The following TASP1 variants were observed in gnomAD, a reference collection of about 807,000 sequenced individuals.
The protein encoded by TASP1 is threonine aspartase 1.
TASP1 carries 16 observed loss-of-function variants against 56.6 expected under a neutral mutation model. The observed-to-expected ratio is 0.28, with a 90% confidence interval of 0.19 to 0.43. The LOEUF (loss-of-function observed/expected upper bound fraction) is 0.43. Among genes scored for constraint, TASP1 ranks in the 20% least tolerant of loss-of-function variants. The pLI is 1.00. For missense variants in TASP1, 393 were observed against 511.6 expected, an observed-to-expected ratio of 0.77 and a Z score of 2.24; for synonymous variants, 179 against 184.2, an observed-to-expected ratio of 0.97 and a Z score of 0.23.
chr20:13,470,239 T>G (rs572952162), intron 11 of TASP1, among the ~76,000 whole-genome samples: 1 of 152,206 alleles, frequency 6.6e-6, no homozygotes, highest in South Asian at 2.1e-4. Context: ...ATGAATTATT[T>G]CTTAAGCCTC....
chr20:13,629,894 C>G, intron 2 of TASP1, 40 bp downstream of exon 2: 1 of 1,608,216 alleles, frequency 6.2e-7, no homozygotes, highest in Non-Finnish European at 8.5e-7. Flanking sequence ...AAAGAAAAAT[C>G]AACATTATTG....
chr20:13,336,583 C>T, the TASP1 span, among the ~76,000 whole-genome samples: 1 of 152,196 alleles, frequency 6.6e-6, no homozygotes, highest in African/African-American at 2.4e-5. Context: ...ATAACATTAA[C>T]TAGGAAATTA....
chr20:13,558,992 T>C lies in TASP1; in HGVS notation c.675+16A>G, dbSNP rs2147068461. 1 of 1,508,784 alleles carries C rather than the reference T, an allele frequency of 6.6e-7. No homozygotes were observed. Among genetic ancestry groups the C allele is most frequent in the South Asian group, 1.3e-5 (1 of 78,872 alleles). 93.5% of individuals were successfully genotyped at this position (1,508,784 alleles called of 1,614,324 possible). A position where few individuals can be genotyped will look rare whatever the true frequency, so the allele number is the denominator to read the frequency against. On this transcript the variant is annotated intron_variant, in intron 8 of 13. Transcript: ENST00000337743. ...CATCTGATACATTAATTTGAATATTTCAAACACCACCTGACCTTCTCACTT... is the reference window on the plus strand; with the variant it reads ...CATCTGATACATTAATTTGAATATTCCAAACACCACCTGACCTTCTCACTT...
At chr20:13,279,546 C>A in the TASP1 span, 1 of 1,319,764 alleles carries the variant, frequency 7.6e-7, no homozygotes, top group East Asian at 2.5e-5. Context: ...CATCATTTCC[C>A]TCTGCCCTCT....
At chr20:13,281,131 A>G in the TASP1 span, among the ~76,000 whole-genome samples, 1 of 152,236 alleles carries the variant, frequency 6.6e-6, no homozygotes, top group African/African-American at 2.4e-5. Flanking sequence ...CAGTTGTTCA[A>G]CCAACATTTA....
the TASP1 span, among the ~76,000 whole-genome samples, chr20:13,241,983 T>C: frequency 6.6e-6 from 1 of 152,056 alleles, no homozygotes; most frequent in Non-Finnish European, 1.5e-5. Flanking sequence ...AGAACACTTG[T>C]TGAAGAAGGA....
chr20:13,270,895 G>A, the TASP1 span, among the ~76,000 whole-genome samples: 1 of 152,130 alleles, frequency 6.6e-6, no homozygotes, highest in South Asian at 2.1e-4. Context: ...TAAGAACAGT[G>A]CTGCATTTCA....
chr20:13,532,516 C>T lies in TASP1; in HGVS notation c.795+1506G>A, dbSNP rs531347616. On this transcript the variant is annotated intron_variant, in intron 9 of 13. Transcript: ENST00000337743. ...ATATAAGCCCTTTTACTCCTTTCTT[C>T]CACACTCTTTCCTGATTTTCTAACT... Among the ~76,000 whole-genome samples, 4 of 152,110 alleles carry T rather than the reference C, an allele frequency of 2.6e-5. No individual in the cohort carries two copies. In the East Asian group the frequency reaches 7.7e-4, roughly 29 times the overall value.
At chr20:13,463,816 T>A (rs963957811) in intron 11 of TASP1, among the ~76,000 whole-genome samples, 1 of 151,940 alleles carries the variant, frequency 6.6e-6, no homozygotes, top group Admixed American at 6.6e-5. Flanking sequence ...CACATACCCA[T>A]TAGGATGGCT....
chr20:13,445,273 T>C (rs1445031014), intron 11 of TASP1, among the ~76,000 whole-genome samples: 5 of 152,198 alleles, frequency 3.3e-5, no homozygotes, highest in Admixed American at 2.6e-4. Flanking sequence ...ATCAATCATA[T>C]ATGTACCTAA....
chr20:13,545,610 T>C (rs1400539143), intron 8 of TASP1, among the ~76,000 whole-genome samples: 1 of 152,078 alleles, frequency 6.6e-6, no homozygotes, highest in Non-Finnish European at 1.5e-5. Flanking sequence ...AACCAGCGTT[T>C]GGTTTGACCA....
chr20:13,578,084 T>C (rs1396159782), intron 6 of TASP1, among the ~76,000 whole-genome samples: 1 of 152,150 alleles, frequency 6.6e-6, no homozygotes, highest in African/African-American at 2.4e-5. Context: ...CCAAAATGTC[T>C]CTCAACTGGC....
intron 2 of TASP1, 101 bp from the exon 3 acceptor site, chr20:13,625,353 A>C (rs1325259972): frequency 4.4e-6 from 4 of 903,110 alleles, no homozygotes; most frequent in African/African-American, 1.8e-5. Flanking sequence ...CTAGTAAAAA[A>C]CAAAACTATT....
At chr20:13,292,549 C>T in the TASP1 span, 45 of 819,120 alleles carry the variant, frequency 5.5e-5, no homozygotes, top group East Asian at 2.7e-4. Context: ...CTTGGATCCA[C>T]GTAAATGTTT....
In TASP1 at chr20:13,399,918, T is replaced by C. The variant is rs757698157; in HGVS notation, c.1171-9466A>G. Reference sequence around the variant, plus strand: ...CCAACACACCAGGCACACTCCTACTTGAGAGTGTTTGCACCTGCTATTCCC... The same window carrying C: ...CCAACACACCAGGCACACTCCTACTCGAGAGTGTTTGCACCTGCTATTCCC... On this transcript the variant is annotated intron_variant, in intron 13 of 13. Coordinates refer to ENST00000337743, the MANE Select transcript of TASP1 (RefSeq NM_017714.3). Among the ~76,000 whole-genome samples the C allele has an allele frequency of 5.6e-4, 85 of 152,186 alleles. 1 individual carries two copies. Among genetic ancestry groups the C allele is most frequent in the Non-Finnish European group, 1.1e-3 (75 of 68,028 alleles).
chr20:13,293,019 ACCC>A, the TASP1 span, among the ~76,000 whole-genome samples: 1 of 150,914 alleles, frequency 6.6e-6, no homozygotes, highest in Non-Finnish European at 1.5e-5. Flanking sequence ...ACATGGTGAA[ACCC>A]CCCCGTCTCT....
At chr20:13,377,545 G>A in the TASP1 span, among the ~76,000 whole-genome samples, 12 of 152,092 alleles carry the variant, frequency 7.9e-5, no homozygotes, top group Non-Finnish European at 1.6e-4. Context: ...TTTTTTTGTG[G>A]TGTCTCCACC....
the TASP1 span, among the ~76,000 whole-genome samples, chr20:13,121,142 T>C: frequency 3.3e-5 from 5 of 152,158 alleles, no homozygotes; most frequent in Non-Finnish European, 7.4e-5. Flanking sequence ...CAGGCAAGGA[T>C]CTTGAGTCCA....
At chr20:13,327,204 A>G in the TASP1 span, among the ~76,000 whole-genome samples, 1 of 152,306 alleles carries the variant, frequency 6.6e-6, no homozygotes, top group East Asian at 1.9e-4. Flanking sequence ...ATGAACTCCC[A>G]TTGACAATTG....
Sources: allele counts gnomAD v4.1 joint callset (sites outside exome capture counted in the v4.1 genomes callset), GRCh38; gene constraint gnomAD v4.1.1; transcripts MANE v1.5; gene names NCBI Gene and HGNC (gene_info 2026-07-23, HGNC 2026-07-21).